Variants in CERS3 observed in about 807,000 individuals in gnomAD.
The protein encoded by CERS3 is ceramide synthase 3, also known as LAG1 homolog, ceramide synthase 3.
A neutral mutation model predicts 50.3 loss-of-function variants in CERS3; 33 were observed. The ratio of observed to expected loss-of-function variants is 0.66; its 90% CI spans 0.50 to 0.88. The LOEUF (loss-of-function observed/expected upper bound fraction) is 0.88, where lower values mean the gene tolerates loss of function less well. Ranked by LOEUF, CERS3 falls within the 40% of genes least tolerant of loss-of-function variation. The pLI, the probability that CERS3 is intolerant of heterozygous loss-of-function variation, is 0.00. For synonymous variants in CERS3, 176 were observed against 155.2 expected, an observed-to-expected ratio of 1.13 and a Z score of -0.99; for missense variants, 470 against 460.3, an observed-to-expected ratio of 1.02 and a Z score of -0.19.
At chr15:100,454,021 G>A (rs1365719876) in intron 11 of CERS3, among the ~76,000 whole-genome samples, 1 of 152,164 alleles carries the variant, frequency 6.6e-6, no homozygotes, top group Admixed American at 6.5e-5. Flanking sequence ...CCATGCTCAT[G>A]GATTAGAAAA....
intron 11 of CERS3, among the ~76,000 whole-genome samples, chr15:100,421,416 G>C (rs561074371): frequency 6.6e-6 from 1 of 152,144 alleles, no homozygotes; most frequent in Admixed American, 6.5e-5. Flanking sequence ...ACAAACCACT[G>C]CTCAAGGAAG....
intron 9 of CERS3, among the ~76,000 whole-genome samples, chr15:100,470,379 A>G (rs2034926402): frequency 6.6e-6 from 1 of 152,248 alleles, no homozygotes; most frequent in African/African-American, 2.4e-5. Context: ...ATATTTTGCC[A>G]TACTACCAAG....
At chr15:100,473,817 C>A (rs2035042343) in intron 8 of CERS3, among the ~76,000 whole-genome samples, 1 of 152,166 alleles carries the variant, frequency 6.6e-6, no homozygotes, top group South Asian at 2.1e-4. Context: ...AACATATGTT[C>A]ATGCAAAAAC....
chr15:100,425,010 C>T (rs528142250), intron 11 of CERS3, among the ~76,000 whole-genome samples: 143 of 132,994 alleles, frequency 1.1e-3, no homozygotes, highest in African/African-American at 3.5e-3. Context: ...AAAACCTTGG[C>T]GGCTTCCATA....
In CERS3 at chr15:100,465,949, G is replaced by C. The variant is rs192019138; in HGVS notation, c.845+3429C>G. ...GCTGGGATTACAGGCGTGAGCTACC[G>C]TGCCTGGCCTGTTTCGTTTTATTTT... On this transcript the variant is annotated intron_variant, in intron 10 of 11. Transcript: ENST00000679737. Among the ~76,000 whole-genome samples the C allele has an allele frequency of 3.3e-5, 5 of 152,102 alleles. No homozygotes were observed. The South Asian group carries it at 1.0e-3, about 32-fold the overall frequency.
intron 10 of CERS3, among the ~76,000 whole-genome samples, chr15:100,463,252 T>C (rs751860366): frequency 1.3e-5 from 2 of 151,842 alleles, no homozygotes; most frequent in African/African-American, 2.4e-5. Context: ...CTGGCCAACA[T>C]GGTGAAACCC....
At chr15:100,470,841 G>T (rs1393096111) in intron 9 of CERS3, among the ~76,000 whole-genome samples, 2 of 152,126 alleles carry the variant, frequency 1.3e-5, no homozygotes, top group Non-Finnish European at 2.9e-5. Context: ...AGATGTGAAG[G>T]CTGTTTTTTC....
chr15:100,497,739 A>T (rs75844934), intron 3 of CERS3, among the ~76,000 whole-genome samples: 1,674 of 152,212 alleles, frequency 0.011, 27 homozygotes, highest in African/African-American at 0.037. Flanking sequence ...TGCTGATATG[A>T]GGAATAAATA....
chr15:100,404,958 C>G (rs1010411779), intron 11 of CERS3, among the ~76,000 whole-genome samples: 1 of 152,114 alleles, frequency 6.6e-6, no homozygotes, highest in African/African-American at 2.4e-5. Context: ...ATACATTGTA[C>G]AAAAGCCAGC....
chr15:100,405,992 C>A (rs536395032), intron 11 of CERS3, among the ~76,000 whole-genome samples: 1 of 152,312 alleles, frequency 6.6e-6, no homozygotes, highest in Admixed American at 6.5e-5. Context: ...TGCAAGAACT[C>A]TTTCAAGGAC....
intron 11 of CERS3, among the ~76,000 whole-genome samples, chr15:100,417,922 C>T (rs1031377024): frequency 1.6e-4 from 25 of 152,144 alleles, no homozygotes; most frequent in Middle Eastern, 3.4e-3. Context: ...ACACCGAAAA[C>T]CCATCTGTAC....
intron 3 of CERS3, chr15:100,500,312 A>G (rs927818421): frequency 5.3e-5 from 8 of 152,226 alleles, no homozygotes; most frequent in African/African-American, 1.9e-4. Flanking sequence ...TAATCCCTTG[A>G]GAAGAAGCAA....
At chr15:100,520,322 C>T (rs564952311) in intron 2 of CERS3, among the ~76,000 whole-genome samples, 12 of 152,262 alleles carry the variant, frequency 7.9e-5, no homozygotes, top group African/African-American at 2.9e-4. Context: ...TATTCTTGCC[C>T]TGTGTCCTGC....
chr15:100,544,253 T>C (rs2037280424), intron 1 of CERS3: 1 of 152,252 alleles, frequency 6.6e-6, no homozygotes, highest in Non-Finnish European at 1.5e-5. Flanking sequence ...GGAGCGCTCC[T>C]AACGGACTTT....
chr15:100,469,507 A>C (rs1167978003), intron 9 of CERS3, 23 bp from the exon 10 acceptor site: 2 of 1,484,174 alleles, frequency 1.3e-6, no homozygotes, highest in Non-Finnish European at 1.9e-6. Context: ...AAGAAACTGC[A>C]GATAAAGTGA....
At chr15:100,488,834 T>C (rs111605497) in intron 4 of CERS3, among the ~76,000 whole-genome samples, 2,509 of 151,394 alleles carry the variant, frequency 0.017, 70 homozygotes, top group African/African-American at 0.058. Flanking sequence ...TGGACTGTGG[T>C]GGCGCAATCT....
chr15:100,500,118 C>G (rs2035953409), intron 3 of CERS3: 1 of 152,182 alleles, frequency 6.6e-6, no homozygotes. Context: ...AAAACATAAA[C>G]TTATACTTCA....
intron 5 of CERS3, 149 bp from the exon 6 acceptor site, chr15:100,480,195 GAT>G (rs1303920751): frequency 1.6e-5 from 10 of 642,998 alleles, no homozygotes. Context: ...CCACTTATTA[GAT>G]GGTTACAACC....
At chr15:100,428,264 C>A (rs1412998307) in intron 11 of CERS3, among the ~76,000 whole-genome samples, 2 of 152,180 alleles carry the variant, frequency 1.3e-5, no homozygotes, top group Non-Finnish European at 2.9e-5. Flanking sequence ...GAAATACTAA[C>A]CAGCTAATTT....
Sources: gnomAD v4.1 joint callset for allele counts (sites outside exome capture counted in the v4.1 genomes callset) on GRCh38, gnomAD v4.1.1 for gene constraint, MANE v1.5 for transcripts, NCBI Gene and HGNC (gene_info 2026-07-23, HGNC 2026-07-21) for gene names.